The following XPR1 variants were observed in gnomAD, a reference collection of about 807,000 sequenced individuals.
XPR1 encodes solute carrier family 53 member 1.
In XPR1, 28 loss-of-function variants were observed where a neutral mutation model predicts 87.5. That is an observed-to-expected ratio of 0.32 (90% CI 0.24 to 0.44). The LOEUF is 0.44. Ranked by LOEUF, XPR1 falls within the 20% of genes least tolerant of loss-of-function variation. XPR1 has a pLI of 1.00. For missense variants in XPR1, 559 were observed against 862.3 expected (o/e 0.65, Z 4.41); for synonymous variants, 300 against 306.1 (o/e 0.98, Z 0.21).
intron 2 of XPR1, among the ~76,000 whole-genome samples, chr1:180,738,159 G>A (rs550832345): frequency 3.3e-5 from 5 of 152,160 alleles, no homozygotes; most frequent in African/African-American, 1.2e-4. Flanking sequence ...TTGCAGGTAT[G>A]CGCCACCACG....
intron 2 of XPR1, among the ~76,000 whole-genome samples, chr1:180,738,985 C>G (rs1273866436): frequency 6.6e-6 from 1 of 151,862 alleles, no homozygotes; most frequent in Non-Finnish European, 1.5e-5. Context: ...CCTTTGTTTT[C>G]TTCTAAAAGT....
In XPR1 at chr1:180,656,621, TTATA is replaced by T. The variant is rs1270673303; in HGVS notation, c.69+24355_69+24358del. On this transcript the variant is annotated intron_variant, in intron 1 of 14. Coordinates refer to ENST00000367590, the MANE Select transcript of XPR1 (RefSeq NM_004736.4). ...TTTATATATGTATGTATAATATATT[TTATA>T]TATGTATGTATAATATATTATTATA... Among the ~76,000 whole-genome samples the T allele has an allele frequency of 1.8e-4, 15 of 81,378 alleles. No individual in the cohort carries two copies. In the Admixed American group the frequency reaches 2.4e-3, roughly 13 times the overall value. The allele number at this position is 81,378 out of a possible 152,430, so 53.4% of individuals were successfully genotyped here. A position where few individuals can be genotyped will look rare whatever the true frequency, so the allele number is the denominator to read the frequency against.
intron 3 of XPR1, among the ~76,000 whole-genome samples, chr1:180,791,053 A>G (rs186556069): frequency 5.3e-5 from 8 of 152,272 alleles, no homozygotes; most frequent in Admixed American, 3.3e-4. Flanking sequence ...AGTGAAACAA[A>G]TGTCTAGATT....
chr1:180,685,182 GT>G (rs1263594980), intron 2 of XPR1, among the ~76,000 whole-genome samples: 3 of 152,096 alleles, frequency 2.0e-5, no homozygotes, highest in Non-Finnish European at 4.4e-5. Context: ...TTTATTGAGA[GT>G]TTTTAGCATG....
At position 180,857,904 on chromosome 1, in the gene XPR1, T is replaced by G. The variant is rs562738007; in HGVS notation, c.1502-5804T>G. ...TCTTGAATTAGTAAAGGAATTCCTATGTACTATTTTTATTATAAAAACAAT... is the reference window on the plus strand; with the variant it reads ...TCTTGAATTAGTAAAGGAATTCCTAGGTACTATTTTTATTATAAAAACAAT... On this transcript the variant is annotated intron_variant, in intron 11 of 14. Transcript: ENST00000367590. Among the ~76,000 whole-genome samples, 4 of 152,296 alleles carry G rather than the reference T, an allele frequency of 2.6e-5. No individual in the cohort carries two copies. In the East Asian group the frequency reaches 7.7e-4, roughly 29 times the overall value.
chr1:180,662,056 T>G (rs1430467882), intron 1 of XPR1, among the ~76,000 whole-genome samples: 1 of 152,210 alleles, frequency 6.6e-6, no homozygotes, highest in Non-Finnish European at 1.5e-5. Flanking sequence ...GTTGTTGTAG[T>G]TATTATTTTT....
chr1:180,705,325 T>G (rs1360979084), intron 2 of XPR1, among the ~76,000 whole-genome samples: 1 of 152,138 alleles, frequency 6.6e-6, no homozygotes, highest in African/African-American at 2.4e-5. Flanking sequence ...GTGCAATCAG[T>G]GAAATTGGAA....
At chr1:180,857,876 A>G (rs939857306) in intron 11 of XPR1, among the ~76,000 whole-genome samples, 3 of 152,222 alleles carry the variant, frequency 2.0e-5, no homozygotes, top group Non-Finnish European at 4.4e-5. Flanking sequence ...AGTAGTAAAC[A>G]GTTCTTGAAT....
intron 11 of XPR1, among the ~76,000 whole-genome samples, chr1:180,841,516 A>G (rs762422433): frequency 1.1e-4 from 17 of 152,182 alleles, no homozygotes; most frequent in Admixed American, 7.2e-4. Context: ...CGTAAAGGGA[A>G]TTTATGATAA....
At chr1:180,654,594 A>G (rs1343482425) in intron 1 of XPR1, among the ~76,000 whole-genome samples, 1 of 152,106 alleles carries the variant, frequency 6.6e-6, no homozygotes, top group African/African-American at 2.4e-5. Flanking sequence ...AGTTCCTGGC[A>G]ACCACCATTC....
chr1:180,841,357 TTCTTCAGCCTAGG>T (rs1651507948), intron 11 of XPR1, among the ~76,000 whole-genome samples: 1 of 151,788 alleles, frequency 6.6e-6, no homozygotes, highest in Non-Finnish European at 1.5e-5. Flanking sequence ...CTCAGTTCTA[TTCTTCAGCCTAGG>T]GATTTTTTTT....
At chr1:180,634,395 T>C (rs1350229682) in intron 1 of XPR1, among the ~76,000 whole-genome samples, 1 of 152,206 alleles carries the variant, frequency 6.6e-6, no homozygotes, top group African/African-American at 2.4e-5. Context: ...ACCAATATTT[T>C]ATAGGGTTGG....
intron 2 of XPR1, among the ~76,000 whole-genome samples, chr1:180,762,897 TA>T (rs1648102962): frequency 6.6e-6 from 1 of 152,074 alleles, no homozygotes; most frequent in South Asian, 2.1e-4. Flanking sequence ...ACACTTTTTT[TA>T]AAGAATGAAT....
At chr1:180,742,356 C>G (rs1195019841) in intron 2 of XPR1, among the ~76,000 whole-genome samples, 1 of 152,042 alleles carries the variant, frequency 6.6e-6, no homozygotes, top group Non-Finnish European at 1.5e-5. Flanking sequence ...AAAATATTTT[C>G]TGATTTCCCT....
Position 180,765,938 on chromosome 1 carries a change from G to A in XPR1, c.122-21815G>A, listed in dbSNP as rs2102059531. 1.3e-5 allele frequency among the ~76,000 whole-genome samples: 2 copies of A among 151,814 alleles called. 1 individual carries two copies. The highest frequency in any genetic ancestry group is 4.2e-4 in the South Asian group (2 of 4,784). Reference sequence around the variant, plus strand: ...TGCTAACATATTTTTCAAGAAGACAGTCAGTTCTTTGGTGCAGAAATTTAA... The same window carrying A: ...TGCTAACATATTTTTCAAGAAGACAATCAGTTCTTTGGTGCAGAAATTTAA... On this transcript the variant is annotated intron_variant, in intron 2 of 14. Transcript: ENST00000367590.
At chr1:180,665,103 T>C (rs1409587813) in intron 1 of XPR1, among the ~76,000 whole-genome samples, 1 of 152,222 alleles carries the variant, frequency 6.6e-6, no homozygotes, top group Non-Finnish European at 1.5e-5. Flanking sequence ...TTCCCATTGC[T>C]GAGGAGGTCT....
chr1:180,762,444 A>C (rs1648176638), intron 2 of XPR1, among the ~76,000 whole-genome samples: 1 of 152,204 alleles, frequency 6.6e-6, no homozygotes, highest in African/African-American at 2.4e-5. Flanking sequence ...AATTATCTTG[A>C]TCATACATTG....
chr1:180,847,088 C>T (rs1383796024), intron 11 of XPR1, among the ~76,000 whole-genome samples: 8 of 152,074 alleles, frequency 5.3e-5, no homozygotes, highest in Non-Finnish European at 2.9e-5. Context: ...TCTTCTCAAA[C>T]GAAGTAAATA....
At chr1:180,878,410 C>T (rs947865127) in intron 13 of XPR1, 1 of 152,188 alleles carries the variant, frequency 6.6e-6, no homozygotes, top group Non-Finnish European at 1.5e-5. Flanking sequence ...CTCCCATTCT[C>T]TTTTTCATTC....
Sources: gnomAD v4.1 joint callset for allele counts (sites outside exome capture counted in the v4.1 genomes callset) on GRCh38, gnomAD v4.1.1 for gene constraint, MANE v1.5 for transcripts, NCBI Gene and HGNC (gene_info 2026-07-23, HGNC 2026-07-21) for gene names.